EYA4: variants seen among roughly 807,000 people sequenced by gnomAD.
EYA4 encodes the protein protein phosphatase EYA4.
EYA4 carries 31 observed loss-of-function variants against 87.9 expected under a neutral mutation model. The observed-to-expected ratio is 0.35, with a 90% CI of 0.27 to 0.48. The LOEUF is 0.48. Among genes scored for constraint, EYA4 ranks in the 20% least tolerant of loss-of-function variants. The pLI is 0.99. For missense variants in EYA4, 678 were observed against 761.4 expected (o/e 0.89, Z 1.29); for synonymous variants, 263 against 270.6 (o/e 0.97, Z 0.28).
At chr6:133,272,281 G>A (rs2015979) in intron 1 of EYA4, among the ~76,000 whole-genome samples, 41,646 of 152,094 alleles carry the variant, frequency 0.27, 6,370 homozygotes, top group East Asian at 0.49. Context: ...GGGAACTCCC[G>A]ATGAGGGCAT....
chr6:133,412,493 G>A (rs1166856995), intron 3 of EYA4, among the ~76,000 whole-genome samples: 57 of 152,024 alleles, frequency 3.7e-4, no homozygotes, highest in Admixed American at 3.7e-3. Context: ...GTTCTACTTT[G>A]TATAAATGGA....
rs143312548 is a variant in EYA4, at chr6:133,396,400, C to T, written c.83+13959C>T. 2.5e-3 allele frequency among the ~76,000 whole-genome samples: 381 copies of T among 152,172 alleles called. 1 individual carries two copies. Among genetic ancestry groups the T allele is most frequent in the African/African-American group, 8.2e-3 (342 of 41,486 alleles). On this transcript the variant is annotated intron_variant, in intron 3 of 19. Transcript: ENST00000355286. ...GGGATGTTAGAGATCATGCTAGAGCCTGGGAAAAAATGATTAATGTGGTTT... is the reference window on the plus strand; with the variant it reads ...GGGATGTTAGAGATCATGCTAGAGCTTGGGAAAAAATGATTAATGTGGTTT...
Position 133,330,485 on chromosome 6 carries a change from A to G in EYA4, c.34-51907A>G, listed in dbSNP as rs188400595. Reference sequence around the variant, plus strand: ...TTTTCTAACTGATTTTGTAAATCCCATTTAAAAAATCTCCTCTACTATTAG... The same window carrying G: ...TTTTCTAACTGATTTTGTAAATCCCGTTTAAAAAATCTCCTCTACTATTAG... On this transcript the variant is annotated intron_variant, in intron 2 of 19. Coordinates refer to ENST00000355286, the MANE Select transcript of EYA4 (RefSeq NM_004100.5). 1.4e-4 allele frequency among the ~76,000 whole-genome samples: 21 copies of G among 151,762 alleles called. No homozygotes were observed. In the East Asian group the frequency reaches 4.1e-3, roughly 29 times the overall value.
Position 133,461,192 on chromosome 6 carries a change from G to T in EYA4, c.437+12G>T. 1 of 1,597,220 alleles carries T rather than the reference G, an allele frequency of 6.3e-7. No individual in the cohort carries two copies. The highest frequency in any genetic ancestry group is 8.6e-7 in the Non-Finnish European group (1 of 1,164,702). Reference sequence around the variant, plus strand: ...CTGTATCCTTCCAAGTAAGTGGTCAGTAGATTCTTGCTTTAAATTGGCAAA... The same window carrying T: ...CTGTATCCTTCCAAGTAAGTGGTCATTAGATTCTTGCTTTAAATTGGCAAA... On this transcript the variant is annotated intron_variant, in intron 7 of 19. Coordinates refer to ENST00000355286, the MANE Select transcript of EYA4 (RefSeq NM_004100.5).
intron 2 of EYA4, among the ~76,000 whole-genome samples, chr6:133,377,970 A>G (rs1166208762): frequency 2.7e-5 from 2 of 73,850 alleles, no homozygotes; most frequent in African/African-American, 7.4e-5. Flanking sequence ...GATTTATATT[A>G]TGTTCACACA....
chr6:133,508,825 C>T (rs1052912076), intron 14 of EYA4, among the ~76,000 whole-genome samples: 3 of 152,076 alleles, frequency 2.0e-5, no homozygotes, highest in Non-Finnish European at 4.4e-5. Context: ...TTCAAAAATA[C>T]CTGGCAGGAT....
intron 2 of EYA4, among the ~76,000 whole-genome samples, chr6:133,345,369 T>C (rs1310968357): frequency 1.5e-4 from 23 of 152,196 alleles, no homozygotes; most frequent in Admixed American, 1.5e-3. Flanking sequence ...TCCATACTTT[T>C]ATGAGGAGTA....
At chr6:133,243,456 G>A (rs1334387703) in intron 1 of EYA4, among the ~76,000 whole-genome samples, 2 of 152,148 alleles carry the variant, frequency 1.3e-5, no homozygotes, top group Non-Finnish European at 2.9e-5. Context: ...TTAGGTGGGA[G>A]TCTTAGGAGC....
intron 1 of EYA4, among the ~76,000 whole-genome samples, chr6:133,250,412 C>T (rs1293543147): frequency 1.1e-4 from 17 of 152,012 alleles, no homozygotes; most frequent in Admixed American, 8.5e-4. Context: ...GAGGCCGAGG[C>T]GGATGGATCA....
intron 2 of EYA4, among the ~76,000 whole-genome samples, chr6:133,293,146 C>T (rs1235616931): frequency 6.6e-6 from 1 of 152,094 alleles, no homozygotes; most frequent in Non-Finnish European, 1.5e-5. Context: ...ATCCTCAATT[C>T]CTCCTACTTC....
Position 133,483,104 on chromosome 6 carries a change from A to AT in EYA4, c.1180_1181insT (p.Lys394IlefsTer22). The AT allele has an allele frequency of 6.2e-7, 1 of 1,610,064 alleles. No homozygotes were observed. The highest frequency in any genetic ancestry group is 8.5e-7 in the Non-Finnish European group (1 of 1,176,650). Reference sequence around the variant, plus strand: ...ACTGCTCACCGGGTCTTATGCACAGAAGTATGGCAAGGTAAGAAATCAAGA... The same window carrying AT: ...ACTGCTCACCGGGTCTTATGCACAGATAGTATGGCAAGGTAAGAAATCAAGA... On this transcript the variant is annotated frameshift_variant, in exon 13 of 20. Coordinates refer to ENST00000355286, the MANE Select transcript of EYA4 (RefSeq NM_004100.5). LOFTEE classifies it high-confidence loss of function.
intron 1 of EYA4, among the ~76,000 whole-genome samples, chr6:133,260,576 C>G (rs1444162088): frequency 1.3e-5 from 2 of 152,106 alleles, no homozygotes. Flanking sequence ...CTCTTAGAAC[C>G]CTTTGTACTC....
intron 13 of EYA4, chr6:133,502,268 A>G (rs1798197699): frequency 6.6e-6 from 1 of 152,072 alleles, no homozygotes; most frequent in South Asian, 2.1e-4. Flanking sequence ...TAGTGCCTTT[A>G]TTATCCCACT....
At chr6:133,421,242 A>G (rs1020954244) in intron 3 of EYA4, among the ~76,000 whole-genome samples, 6 of 152,204 alleles carry the variant, frequency 3.9e-5, no homozygotes, top group Middle Eastern at 3.2e-3. Flanking sequence ...CACGCTGATT[A>G]CAGTTGCACC....
intron 1 of EYA4, among the ~76,000 whole-genome samples, chr6:133,268,954 C>G (rs992715982): frequency 1.3e-5 from 2 of 152,066 alleles, no homozygotes; most frequent in Non-Finnish European, 2.9e-5. Context: ...TACTTATACT[C>G]CTGAATTCAA....
rs183419061 is a variant in EYA4, at chr6:133,508,404, A to G, written c.1281+2209A>G. Reference sequence around the variant, plus strand: ...CCTTTCCACAACTTGAATTTTTTACATACAGCGATAACTTTTGGGGTTAGT... The same window carrying G: ...CCTTTCCACAACTTGAATTTTTTACGTACAGCGATAACTTTTGGGGTTAGT... On this transcript the variant is annotated intron_variant, in intron 14 of 19. Coordinates refer to ENST00000355286, the MANE Select transcript of EYA4 (RefSeq NM_004100.5). 2.0e-5 allele frequency among the ~76,000 whole-genome samples: 3 copies of G among 152,276 alleles called. No individual in the cohort carries two copies. The East Asian group carries it at 5.8e-4, about 29-fold the overall frequency.
intron 1 of EYA4, among the ~76,000 whole-genome samples, chr6:133,252,261 C>T (rs563622887): frequency 3.4e-4 from 52 of 152,284 alleles, no homozygotes; most frequent in African/African-American, 1.2e-3. Context: ...CTGATAATCA[C>T]AACTGCTGAA....
At chr6:133,466,456 G>T (rs1290470483) in intron 10 of EYA4, among the ~76,000 whole-genome samples, 2 of 152,028 alleles carry the variant, frequency 1.3e-5, no homozygotes, top group Non-Finnish European at 2.9e-5. Context: ...TGTATACTGG[G>T]GCACACGAAG....
chr6:133,259,667 G>A (rs1310237637), intron 1 of EYA4, among the ~76,000 whole-genome samples: 1 of 152,276 alleles, frequency 6.6e-6, no homozygotes, highest in East Asian at 1.9e-4. Flanking sequence ...TTCTTAATTA[G>A]TATTCACTAT....
Sources: allele counts gnomAD v4.1 joint callset (sites outside exome capture counted in the v4.1 genomes callset), GRCh38; gene constraint gnomAD v4.1.1; transcripts MANE v1.5; gene names NCBI Gene and HGNC (gene_info 2026-07-23, HGNC 2026-07-21).